Variants in NRXN3 observed in about 807,000 individuals in gnomAD.
The protein encoded by NRXN3 is neurexin III.
In NRXN3, 32 loss-of-function variants were observed where a neutral mutation model predicts 137.6. The observed-to-expected ratio is 0.23, with a 90% CI of 0.18 to 0.31. The LOEUF (loss-of-function observed/expected upper bound fraction) is 0.31, where lower values mean the gene tolerates loss of function less well. Ranked by LOEUF, NRXN3 falls within the 10% of genes least tolerant of loss-of-function variation. NRXN3 has a pLI of 1.00. For synonymous variants in NRXN3, 798 were observed against 784.5 expected (o/e 1.02, Z -0.29); for missense variants, 1,574 against 2,062.5 (o/e 0.76, Z 4.59).
chr14:79,858,580 A>G (rs2099407703), intron 20 of NRXN3, among the ~76,000 whole-genome samples: 1 of 152,140 alleles, frequency 6.6e-6, no homozygotes, highest in African/African-American at 2.4e-5. Flanking sequence ...TAAGGAACAA[A>G]TGACTCGGTG....
At chr14:78,433,448 T>C (rs1302852007) in intron 4 of NRXN3, among the ~76,000 whole-genome samples, 1 of 152,134 alleles carries the variant, frequency 6.6e-6, no homozygotes, top group African/African-American at 2.4e-5. Flanking sequence ...GGGTGGCTAC[T>C]GTGTTTGAAT....
intron 16 of NRXN3, 85 bp downstream of exon 16, chr14:79,467,487 G>T: frequency 2.5e-6 from 3 of 1,202,258 alleles, no homozygotes; most frequent in Non-Finnish European, 3.5e-6. Flanking sequence ...GAACATTCTA[G>T]ATCAATATGG....
chr14:78,354,435 C>T (rs1464473404), intron 4 of NRXN3, among the ~76,000 whole-genome samples: 1 of 152,166 alleles, frequency 6.6e-6, no homozygotes, highest in African/African-American at 2.4e-5. Flanking sequence ...TCCCATCTAG[C>T]CACTCCTAGT....
rs536910189 is a variant in NRXN3, at chr14:79,575,236, CAGAAAACTTCTTAGGCTTGCTA to C, written c.3445-88523_3445-88502del. On this transcript the variant is annotated intron_variant, in intron 16 of 20. Coordinates refer to ENST00000335750, the MANE Select transcript of NRXN3 (RefSeq NM_001330195.2). ...CATGGCTCTGAGTTTGCTACTGAAA[CAGAAAACTTCTTAGGCTTGCTA>C]AGAAAACTTCTTAGGCTTCTAAGCC... is the stretch of plus-strand genomic sequence containing the variant. 2.9e-4 allele frequency among the ~76,000 whole-genome samples: 44 copies of C among 152,264 alleles called. 1 individual carries two copies. The highest frequency in any genetic ancestry group is 8.3e-4 in the South Asian group (4 of 4,826).
chr14:79,317,555 C>T (rs551991279), intron 15 of NRXN3, among the ~76,000 whole-genome samples: 16 of 152,242 alleles, frequency 1.1e-4, no homozygotes, highest in African/African-American at 3.6e-4. Context: ...TAAGGTCACA[C>T]TCCGAGGTAC....
chr14:78,417,273 C>T (rs1280926677), intron 4 of NRXN3, among the ~76,000 whole-genome samples: 5 of 152,184 alleles, frequency 3.3e-5, no homozygotes, highest in Admixed American at 2.6e-4. Context: ...ACCTACATAC[C>T]GTGATTCACT....
Position 78,605,664 on chromosome 14 carries a change from A to G in NRXN3, c.758-39456A>G, listed in dbSNP as rs146218476. 3.8e-3 allele frequency among the ~76,000 whole-genome samples: 578 copies of G among 152,268 alleles called. 5 individuals carry two copies. The highest frequency in any genetic ancestry group is 0.013 in the African/African-American group (528 of 41,562). On this transcript the variant is annotated intron_variant, in intron 4 of 20. Transcript: ENST00000335750. Reference sequence around the variant, plus strand: ...TTTACTCATTTTACAGTCTTTACAAACAGAAGCCAGAAGTGCTATATTTGA... The same window carrying G: ...TTTACTCATTTTACAGTCTTTACAAGCAGAAGCCAGAAGTGCTATATTTGA...
chr14:78,927,798 C>T (rs565029445), intron 10 of NRXN3, among the ~76,000 whole-genome samples: 2 of 152,202 alleles, frequency 1.3e-5, no homozygotes, highest in South Asian at 2.1e-4. Flanking sequence ...CATATTTGTG[C>T]ATTTTTCCCC....
intron 4 of NRXN3, among the ~76,000 whole-genome samples, chr14:78,440,676 C>T (rs1331955188): frequency 6.6e-6 from 1 of 152,036 alleles, no homozygotes; most frequent in Non-Finnish European, 1.5e-5. Flanking sequence ...CTCCCTGGGG[C>T]CGAGGCTGCT....
chr14:78,942,158 G>C (rs1190540869), intron 10 of NRXN3, among the ~76,000 whole-genome samples: 2 of 152,176 alleles, frequency 1.3e-5, no homozygotes, highest in African/African-American at 4.8e-5. Flanking sequence ...ACAGAATATA[G>C]ACCACAGAGT....
intron 15 of NRXN3, among the ~76,000 whole-genome samples, chr14:79,251,661 A>C (rs920185969): frequency 1.3e-5 from 2 of 152,120 alleles, no homozygotes; most frequent in African/African-American, 4.8e-5. Flanking sequence ...GGTGGTGAAC[A>C]ATACCATTGA....
chr14:78,269,890 G>A (rs935108929), intron 2 of NRXN3, among the ~76,000 whole-genome samples: 2 of 152,320 alleles, frequency 1.3e-5, no homozygotes, highest in East Asian at 3.9e-4. Context: ...TTCTTTGAAA[G>A]AGGGCAGATC....
rs144212325 is a variant in NRXN3, at chr14:79,803,739, T to C, written c.4015-1373T>C. Among the ~76,000 whole-genome samples the C allele has an allele frequency of 1.1e-3, 164 of 152,098 alleles. 2 individuals are homozygous for C. Among genetic ancestry groups the C allele is most frequent in the African/African-American group, 1.7e-3 (71 of 41,506 alleles). On this transcript the variant is annotated intron_variant, in intron 19 of 20. Coordinates refer to ENST00000335750, the MANE Select transcript of NRXN3 (RefSeq NM_001330195.2). ...AAACACAGAATTTGACTAAGATGTA[T>C]TTATTCAAATTCCCACTATGTGTTT...
intron 1 of NRXN3, among the ~76,000 whole-genome samples, chr14:78,203,121 T>C (rs933382268): frequency 1.7e-4 from 26 of 152,296 alleles, no homozygotes; most frequent in African/African-American, 5.8e-4. Context: ...CTTACACTTA[T>C]GTCCATAGAG....
intron 16 of NRXN3, among the ~76,000 whole-genome samples, chr14:79,637,474 C>T (rs1206655748): frequency 6.6e-6 from 1 of 151,984 alleles, no homozygotes; most frequent in African/African-American, 2.4e-5. Flanking sequence ...AGGATGGACA[C>T]AAAGCTTACA....
rs932160415 is a variant in NRXN3, at chr14:79,784,169, C to CA, written c.4015-20935dup. The stretch of plus-strand genomic sequence containing the variant: ...ATCCCAGCCTTAGCTCTAATAAAAA[C>CA]AAAAAAAATGTGAAGCATGGTGTGC... On this transcript the variant is annotated intron_variant, in intron 19 of 20. Transcript: ENST00000335750. 3.8e-4 allele frequency among the ~76,000 whole-genome samples: 58 copies of CA among 151,750 alleles called. 1 individual carries two copies. Among genetic ancestry groups the CA allele is most frequent in the Admixed American group, 7.2e-4 (11 of 15,212 alleles).
chr14:79,731,763 C>A (rs570646137), intron 19 of NRXN3, among the ~76,000 whole-genome samples: 4 of 151,666 alleles, frequency 2.6e-5, no homozygotes, highest in African/African-American at 9.7e-5. Context: ...GGATTACAGG[C>A]GTGAGCCACT....
At chr14:79,663,275 T>TAC (rs577843183) in intron 16 of NRXN3, among the ~76,000 whole-genome samples, 34 of 151,892 alleles carry the variant, frequency 2.2e-4, no homozygotes, top group African/African-American at 6.5e-4. Flanking sequence ...TATATTTATA[T>TAC]ACACACACAC....
intron 8 of NRXN3, among the ~76,000 whole-genome samples, chr14:78,722,865 G>C (rs957697376): frequency 2.0e-5 from 3 of 152,156 alleles, no homozygotes; most frequent in African/African-American, 7.2e-5. Context: ...ATCATGGAAG[G>C]CATCACAGAC....
Sources: allele counts gnomAD v4.1 joint callset (sites outside exome capture counted in the v4.1 genomes callset), GRCh38; gene constraint gnomAD v4.1.1; transcripts MANE v1.5; gene names NCBI Gene and HGNC (gene_info 2026-07-23, HGNC 2026-07-21).